The following NRDE2 variants were observed in gnomAD, a reference collection of about 807,000 sequenced individuals.
The protein encoded by NRDE2 is nuclear exosome regulator NRDE2.
Under a neutral mutation model 124.2 loss-of-function variants are expected in NRDE2, and 76 were observed. The observed-to-expected ratio is 0.61, with a 90% CI of 0.51 to 0.74. The LOEUF (loss-of-function observed/expected upper bound fraction) is 0.74. Among genes scored for constraint, NRDE2 ranks in the 30% least tolerant of loss-of-function variants. The pLI is 0.00. For missense variants in NRDE2, 1,314 were observed against 1,417.3 expected, an observed-to-expected ratio of 0.93 and a Z score of 1.17; for synonymous variants, 489 against 528.1, an observed-to-expected ratio of 0.93 and a Z score of 1.01.
chr14:90,328,304 C>CAAAAAAA (rs60360850), intron 1 of NRDE2, among the ~76,000 whole-genome samples: 6 of 88,726 alleles, frequency 6.8e-5, no homozygotes, highest in Non-Finnish European at 9.6e-5. Flanking sequence ...ACTCTGTCTC[C>CAAAAAAA]AAAAAAAAAA....
rs1198595338 is a variant in NRDE2, at chr14:90,289,088, A to G, written c.2287T>C (p.Cys763Arg). 1.9e-6 allele frequency: 3 copies of G among 1,613,812 alleles called. No individual in the cohort carries two copies. In the South Asian group the frequency reaches 3.3e-5, roughly 18 times the overall value. ...KKRLKSQGKN[C>R]KKLAKNLLKE... The stretch of plus-strand genomic sequence containing the variant: ...AGGAGATTCTTGGCTAGTTTTTTGC[A>G]GTTCTTCCCTTGAGACTTTAATCTC... Residue 763 changes from cysteine (C) to arginine (R), a missense_variant, in exon 11 of 14, where the codon TGC (cysteine) becomes CGC (arginine). Cys to Arg is a radical substitution (Grantham distance 180). Transcript: ENST00000354366.
chr14:90,296,633 A>G (rs892035492), intron 8 of NRDE2, among the ~76,000 whole-genome samples: 10 of 152,226 alleles, frequency 6.6e-5, no homozygotes, highest in Admixed American at 3.3e-4. Context: ...CACCTGTGAG[A>G]AGAGGCTCAC....
intron 1 of NRDE2, among the ~76,000 whole-genome samples, chr14:90,329,159 C>T (rs368410518): frequency 6.6e-6 from 1 of 152,186 alleles, no homozygotes; most frequent in African/African-American, 2.4e-5. Context: ...TAAGACTCCT[C>T]TGCAAAAGTT....
chr14:90,271,548 T>TA lies in NRDE2; in HGVS notation c.*6787dup, dbSNP rs1237385473. On this transcript the variant is annotated 3_prime_UTR_variant, in exon 14 of 14. Coordinates refer to ENST00000354366, the MANE Select transcript of NRDE2 (RefSeq NM_017970.4). ...TATAGATACTGCCACTTACAGTATC[T>TA]AACCAGAATACATGTTCTTTTATGA... The TA allele has an allele frequency of 6.6e-6, 1 of 152,254 alleles. No homozygotes were observed. The highest frequency in any genetic ancestry group is 2.4e-5 in the African/African-American group (1 of 41,474). 9.4% of individuals were successfully genotyped at this position (152,254 alleles called of 1,614,324 possible). A position where few individuals can be genotyped will look rare whatever the true frequency, so the allele number is the denominator to read the frequency against.
rs1373359882 is a variant in NRDE2 at position 90,273,185 on chromosome 14, T to C, written c.*5151A>G. On this transcript the variant is annotated 3_prime_UTR_variant, in exon 14 of 14. Transcript: ENST00000354366. ...CCCTTGACAGGTGGCCTGGTGTGGGTTGTAGGGCCCACACTGAATGAGGAG... is the reference window on the plus strand; with the variant it reads ...CCCTTGACAGGTGGCCTGGTGTGGGCTGTAGGGCCCACACTGAATGAGGAG... The C allele has an allele frequency of 6.6e-6, 1 of 152,170 alleles. No individual in the cohort carries two copies. The highest frequency in any genetic ancestry group is 1.5e-5 in the Non-Finnish European group (1 of 68,040). The allele number at this position is 152,170 out of a possible 1,614,324, so 9.4% of individuals were successfully genotyped here. A position where few individuals can be genotyped will look rare whatever the true frequency, so the allele number is the denominator to read the frequency against.
At chr14:90,301,206 G>C in intron 7 of NRDE2, 33 bp downstream of exon 7, 1 of 1,609,126 alleles carries the variant, frequency 6.2e-7, no homozygotes. Context: ...AAAGAGCCAG[G>C]AAGAGAGAGA....
In NRDE2 at chr14:90,269,822, G is replaced by T; in HGVS notation, c.*8514C>A. On this transcript the variant is annotated 3_prime_UTR_variant, in exon 14 of 14. Coordinates refer to ENST00000354366, the MANE Select transcript of NRDE2 (RefSeq NM_017970.4). ...GCCTCAAGAACTTGCTGCTTTTTCTGGAAGAAATAATTCATGTGATGGTAG... is the reference window on the plus strand; with the variant it reads ...GCCTCAAGAACTTGCTGCTTTTTCTTGAAGAAATAATTCATGTGATGGTAG... 2 of 401,914 alleles carry T rather than the reference G, an allele frequency of 5.0e-6. No individual in the cohort carries two copies. The highest frequency in any genetic ancestry group is 4.1e-5 in the Admixed American group (1 of 24,164). The allele number at this position is 401,914 out of a possible 1,614,324, so 24.9% of individuals were successfully genotyped here. A position where few individuals can be genotyped will look rare whatever the true frequency, so the allele number is the denominator to read the frequency against.
chr14:90,285,077 G>A (rs1039090179), intron 12 of NRDE2, among the ~76,000 whole-genome samples: 6 of 151,816 alleles, frequency 4.0e-5, no homozygotes, highest in African/African-American at 1.2e-4. Context: ...TCAGGATTTC[G>A]AGACCAGTCT....
intron 1 of NRDE2, among the ~76,000 whole-genome samples, chr14:90,331,373 T>A (rs552002250): frequency 5.1e-4 from 78 of 152,312 alleles, no homozygotes; most frequent in African/African-American, 1.9e-3. Context: ...AGAAACTGAT[T>A]AGGTTTTGGA....
intron 8 of NRDE2, among the ~76,000 whole-genome samples, chr14:90,294,062 T>C (rs1892344355): frequency 6.6e-6 from 1 of 152,138 alleles, no homozygotes; most frequent in African/African-American, 2.4e-5. Context: ...TTCAGTAGGT[T>C]GAACAGTTAA....
intron 2 of NRDE2, among the ~76,000 whole-genome samples, chr14:90,317,220 C>G (rs1023245793): frequency 8.6e-5 from 13 of 151,938 alleles, no homozygotes; most frequent in Admixed American, 2.0e-4. Flanking sequence ...TTGAGACAAG[C>G]CTGGGCAACG....
intron 12 of NRDE2, 133 bp from the exon 13 acceptor site, chr14:90,279,266 C>T (rs1441758321): frequency 2.0e-5 from 14 of 693,828 alleles, no homozygotes; most frequent in Non-Finnish European, 3.3e-5. Flanking sequence ...CTGGCACCGT[C>T]ACGGTGGCTG....
In NRDE2 at chr14:90,278,177, G is replaced by A; in HGVS notation, c.*159C>T. 1.3e-6 allele frequency: 1 copy of A among 749,192 alleles called. No homozygotes were observed. Among genetic ancestry groups the A allele is most frequent in the Non-Finnish European group, 2.2e-6 (1 of 465,032 alleles). The allele number at this position is 749,192 out of a possible 1,614,324, so 46.4% of individuals were successfully genotyped here. ...TGTGTCATTTACACACCCAAAAAGT[G>A]TGCAAGATGTGAGAGGCTGGCAGCC... On this transcript the variant is annotated 3_prime_UTR_variant, in exon 14 of 14. Coordinates refer to ENST00000354366, the MANE Select transcript of NRDE2 (RefSeq NM_017970.4).
rs1212866730 is a variant in NRDE2, at chr14:90,269,433, GC to G, written c.*8902del. On this transcript the variant is annotated 3_prime_UTR_variant, in exon 14 of 14. Transcript: ENST00000354366. ...ATTCTGGTGGTGAGAGAGAAATTCAGCGAACAATGTTGGAACTGCTGAACCA... is the reference window on the plus strand; with the variant it reads ...ATTCTGGTGGTGAGAGAGAAATTCAGGAACAATGTTGGAACTGCTGAACCA... 1.2e-6 allele frequency: 2 copies of G among 1,609,764 alleles called. No individual in the cohort carries two copies. The highest frequency in any genetic ancestry group is 2.7e-5 in the African/African-American group (2 of 74,622).
chr14:90,305,418 C>T (rs996158318), intron 4 of NRDE2, among the ~76,000 whole-genome samples: 1 of 152,182 alleles, frequency 6.6e-6, no homozygotes, highest in Non-Finnish European at 1.5e-5. Context: ...AATTCTATTC[C>T]TACATATTTA....
Position 90,278,324 on chromosome 14 carries a change from T to C in NRDE2, c.*12A>G. On this transcript the variant is annotated 3_prime_UTR_variant, in exon 14 of 14. Coordinates refer to ENST00000354366, the MANE Select transcript of NRDE2 (RefSeq NM_017970.4). ...TTGGCCTCGCAGGCACAGCCCGTTT[T>C]CCCGCTGCTCTCTAATCCTCCAGCA... is the stretch of plus-strand genomic sequence containing the variant. 1.2e-6 allele frequency: 2 copies of C among 1,614,034 alleles called. No homozygotes were observed. Among genetic ancestry groups the C allele is most frequent in the Non-Finnish European group, 1.7e-6 (2 of 1,179,974 alleles).
At chr14:90,301,176 T>G in intron 7 of NRDE2, 63 bp downstream of exon 7, 1 of 1,559,002 alleles carries the variant, frequency 6.4e-7, no homozygotes. Context: ...TATCCACACC[T>G]TCCCCCTCTC....
chr14:90,304,308 G>A lies in NRDE2; in HGVS notation c.632C>T (p.Thr211Ile), dbSNP rs2139692355. ...CTGCTTGCGTGAATGCTTCTTCTCT[G>A]TGGAAGTCCCTTCCCAAGATATGCA... is the stretch of plus-strand genomic sequence containing the variant. The part of the protein sequence containing the change: ...KQCISWEGTS[T>I]EKKHSRKQVE... Residue 211 changes from threonine to isoleucine, a missense_variant, in exon 5 of 14, where the codon ACA becomes ATA. By Grantham distance (89) the Thr-to-Ile change is moderately conservative (BLOSUM62 -1). Transcript: ENST00000354366. The A allele has an allele frequency of 6.8e-6, 11 of 1,614,138 alleles. No homozygotes were observed. The highest frequency in any genetic ancestry group is 9.3e-6 in the Non-Finnish European group (11 of 1,180,022).
At chr14:90,303,811 A>C in intron 5 of NRDE2, 124 bp downstream of exon 5, 1 of 852,826 alleles carries the variant, frequency 1.2e-6, no homozygotes, top group Non-Finnish European at 1.8e-6. Context: ...GCTCTATTCT[A>C]ATAATCTTTG....
Sources: gnomAD v4.1 joint callset for allele counts (sites outside exome capture counted in the v4.1 genomes callset) on GRCh38, gnomAD v4.1.1 for gene constraint, MANE v1.5 for transcripts, NCBI Gene and HGNC (gene_info 2026-07-23, HGNC 2026-07-21) for gene names.